TENM2: variants seen among roughly 807,000 people sequenced by gnomAD.
The protein encoded by TENM2 is teneurin-2.
TENM2 carries 52 observed loss-of-function variants against 245.2 expected under a neutral mutation model. That is an observed-to-expected ratio of 0.21 (90% confidence interval 0.17 to 0.27). TENM2 has a LOEUF of 0.27. Among genes scored for constraint, TENM2 ranks in the 10% least tolerant of loss-of-function variants. TENM2 has a pLI of 1.00. For missense variants in TENM2, 3,046 were observed against 3,666.8 expected (o/e 0.83, Z 4.37); for synonymous variants, 1,363 against 1,438.9 (o/e 0.95, Z 1.19).
At chr5:167,884,534 A>G (rs1774131554) in intron 3 of TENM2, among the ~76,000 whole-genome samples, 1 of 152,194 alleles carries the variant, frequency 6.6e-6, no homozygotes, top group African/African-American at 2.4e-5. Flanking sequence ...CACTTAGCAT[A>G]ATGTCTTCAA....
At chr5:167,560,673 A>C (rs866647851) in intron 2 of TENM2, among the ~76,000 whole-genome samples, 4 of 152,212 alleles carry the variant, frequency 2.6e-5, no homozygotes, top group Non-Finnish European at 2.9e-5. Flanking sequence ...ATGGGAGCAA[A>C]CATATAAAGC....
intron 1 of TENM2, among the ~76,000 whole-genome samples, chr5:167,313,039 A>G (rs1756133917): frequency 1.3e-5 from 2 of 151,648 alleles, no homozygotes; most frequent in African/African-American, 4.8e-5. Flanking sequence ...AGTAGCTGGG[A>G]TTACAGGCAC....
chr5:167,824,115 T>G (rs2151055103), intron 2 of TENM2, among the ~76,000 whole-genome samples: 1 of 152,310 alleles, frequency 6.6e-6, no homozygotes, highest in Non-Finnish European at 1.5e-5. Flanking sequence ...GCCTGCTGCC[T>G]TTGTCGTCCT....
the TENM2 span, among the ~76,000 whole-genome samples, chr5:167,277,240 T>C: frequency 1.3e-5 from 2 of 152,126 alleles, no homozygotes; most frequent in Non-Finnish European, 2.9e-5. Context: ...GTCCAGTGTA[T>C]GCATTTACTT....
At chr5:167,304,602 T>C (rs1755554881) in intron 1 of TENM2, among the ~76,000 whole-genome samples, 1 of 152,248 alleles carries the variant, frequency 6.6e-6, no homozygotes, top group Non-Finnish European at 1.5e-5. Context: ...TAACTTATTT[T>C]GTTTTCCATA....
chr5:167,180,103 CTTTTTTTTT>C, the TENM2 span, among the ~76,000 whole-genome samples: 2,289 of 114,990 alleles, frequency 0.02, 81 homozygotes, highest in African/African-American at 0.09. Context: ...TAAGTGCTTC[CTTTTTTTTT>C]TTTTTTTTTT....
At chr5:167,384,876 T>C (rs1761325540) in intron 2 of TENM2, among the ~76,000 whole-genome samples, 1 of 152,214 alleles carries the variant, frequency 6.6e-6, no homozygotes, top group Non-Finnish European at 1.5e-5. Flanking sequence ...GACTACCATA[T>C]GAATGCTGAA....
intron 2 of TENM2, among the ~76,000 whole-genome samples, chr5:167,525,462 C>T (rs1239154933): frequency 1.3e-5 from 2 of 152,100 alleles, no homozygotes; most frequent in Admixed American, 6.6e-5. Flanking sequence ...ACATATGGCT[C>T]AGCTCTACTG....
intron 2 of TENM2, among the ~76,000 whole-genome samples, chr5:167,594,650 G>T (rs563298798): frequency 6.6e-6 from 1 of 152,122 alleles, no homozygotes; most frequent in Non-Finnish European, 1.5e-5. Flanking sequence ...TAATGTAATC[G>T]CAATTTTGAG....
rs573290704 is a variant in TENM2, at chr5:168,035,167, T to C, written c.1187-12260T>C. Among the ~76,000 whole-genome samples, 12 of 152,346 alleles carry C rather than the reference T, an allele frequency of 7.9e-5. No individual in the cohort carries two copies. In the South Asian group the frequency reaches 2.3e-3, roughly 29 times the overall value. On this transcript the variant is annotated intron_variant, in intron 5 of 28. Transcript: ENST00000518659. ...TGGATATATTGAGTAAAAAGCATAG[T>C]ATTAAAATTTTTTTACTTATTTCAT...
At chr5:167,548,251 T>A (rs1002729758) in intron 2 of TENM2, among the ~76,000 whole-genome samples, 3 of 152,190 alleles carry the variant, frequency 2.0e-5, no homozygotes, top group Non-Finnish European at 4.4e-5. Flanking sequence ...AGGACTCTTT[T>A]GTGTTGACAG....
chr5:167,693,422 T>C (rs1199277880), intron 2 of TENM2, among the ~76,000 whole-genome samples: 1 of 152,192 alleles, frequency 6.6e-6, no homozygotes, highest in African/African-American at 2.4e-5. Context: ...TAGAGTTACA[T>C]AATTTTCCTG....
chr5:167,166,753 T>C, the TENM2 span, among the ~76,000 whole-genome samples: 1 of 152,202 alleles, frequency 6.6e-6, no homozygotes. Context: ...TTTTTACTGA[T>C]CTCTAAACAC....
At chr5:167,766,348 C>G (rs893605160) in intron 2 of TENM2, among the ~76,000 whole-genome samples, 3 of 152,090 alleles carry the variant, frequency 2.0e-5, no homozygotes, top group Admixed American at 1.3e-4. Flanking sequence ...TGGGATGATA[C>G]AGAATTAAAG....
chr5:167,405,444 G>A (rs1417161221), intron 2 of TENM2, among the ~76,000 whole-genome samples: 1 of 152,038 alleles, frequency 6.6e-6, no homozygotes, highest in Non-Finnish European at 1.5e-5. Context: ...TTGGCCCAAT[G>A]TGAGGATATA....
chr5:168,243,725 T>C (rs2040303378), intron 25 of TENM2, among the ~76,000 whole-genome samples: 1 of 152,126 alleles, frequency 6.6e-6, no homozygotes, highest in Non-Finnish European at 1.5e-5. Context: ...TTCAAGTCTG[T>C]TGTATATTGC....
chr5:168,180,220 G>A (rs1039351465), intron 13 of TENM2, among the ~76,000 whole-genome samples: 2 of 152,176 alleles, frequency 1.3e-5, no homozygotes, highest in African/African-American at 2.4e-5. Context: ...GTTTTCCAAC[G>A]TGCATGGCAC....
the TENM2 span, among the ~76,000 whole-genome samples, chr5:167,038,780 A>G: frequency 1.3e-5 from 2 of 152,146 alleles, no homozygotes; most frequent in Non-Finnish European, 2.9e-5. Context: ...TTAAGAATAT[A>G]AAGTCAGTGA....
At chr5:168,219,099 T>G (rs1003017530) in intron 23 of TENM2, 100 bp downstream of exon 25, 1 of 1,228,772 alleles carries the variant, frequency 8.1e-7, no homozygotes, top group Non-Finnish European at 1.1e-6. Flanking sequence ...CTTTGTCACG[T>G]TGTCTTTCTA....
Sources: gnomAD v4.1 joint callset for allele counts (sites outside exome capture counted in the v4.1 genomes callset) on GRCh38, gnomAD v4.1.1 for gene constraint, MANE v1.5 for transcripts, NCBI Gene and HGNC (gene_info 2026-07-23, HGNC 2026-07-21) for gene names.